Variants in MAP2 observed in about 807,000 individuals in gnomAD.
MAP2 encodes microtubule-associated protein 2.
MAP2 carries 14 observed loss-of-function variants against 137.6 expected under a neutral mutation model. That is an observed-to-expected ratio of 0.10 (90% CI 0.07 to 0.16). The LOEUF is 0.16. Among genes scored for constraint, MAP2 ranks in the 10% least tolerant of loss-of-function variants. The pLI, the probability that MAP2 is intolerant of heterozygous loss-of-function variation, is 1.00. For missense variants in MAP2, 2,088 were observed against 2,191.5 expected (o/e 0.95, Z 0.94); for synonymous variants, 786 against 782.3 (o/e 1.00, Z -0.08).
intron 11 of MAP2, among the ~76,000 whole-genome samples, chr2:209,701,499 T>G (rs2061749778): frequency 6.6e-6 from 1 of 152,000 alleles, no homozygotes; most frequent in South Asian, 2.1e-4. Flanking sequence ...TTGAATGATA[T>G]TAATTAGTAG....
chr2:209,429,898 A>G (rs984637264), intron 1 of MAP2, among the ~76,000 whole-genome samples: 7 of 152,122 alleles, frequency 4.6e-5, no homozygotes, highest in African/African-American at 1.7e-4. Flanking sequence ...AAAATGAATA[A>G]TATGGTATCA....
chr2:209,614,491 G>A (rs1372359436), intron 3 of MAP2, among the ~76,000 whole-genome samples: 1 of 151,974 alleles, frequency 6.6e-6, no homozygotes. Flanking sequence ...ATTGATTTGA[G>A]AATTATCATA....
chr2:209,686,201 A>G (rs1403082801), intron 7 of MAP2, among the ~76,000 whole-genome samples: 1 of 152,190 alleles, frequency 6.6e-6, no homozygotes, highest in Non-Finnish European at 1.5e-5. Context: ...ATCAAACGTT[A>G]TTTTAGGCTT....
chr2:209,581,411 G>T (rs2076383234), intron 3 of MAP2, among the ~76,000 whole-genome samples: 1 of 152,106 alleles, frequency 6.6e-6, no homozygotes, highest in Non-Finnish European at 1.5e-5. Context: ...TTGAACAAAA[G>T]CTAATACTAG....
chr2:209,434,349 G>T (rs1442582148), intron 1 of MAP2, among the ~76,000 whole-genome samples: 1 of 151,652 alleles, frequency 6.6e-6, no homozygotes, highest in Non-Finnish European at 1.5e-5. Context: ...ATAGTTACTG[G>T]ACATTTCCAA....
At chr2:209,509,861 T>C (rs74361225) in intron 2 of MAP2, among the ~76,000 whole-genome samples, 3,456 of 152,002 alleles carry the variant, frequency 0.023, 124 homozygotes, top group African/African-American at 0.078. Flanking sequence ...ATGCATGTAA[T>C]TTTACATTAA....
Position 209,510,750 on chromosome 2 carries a change from T to A in MAP2, c.-172+3109T>A, listed in dbSNP as rs190701172. Reference sequence around the variant, plus strand: ...CAATCTAAACAGCATAACTTGTTTTTAGATAGAATGACGAGGTAATGTTAA... The same window carrying A: ...CAATCTAAACAGCATAACTTGTTTTAAGATAGAATGACGAGGTAATGTTAA... On this transcript the variant is annotated intron_variant, in intron 2 of 15. Coordinates refer to ENST00000682079, the MANE Select transcript of MAP2 (RefSeq NM_001375505.1). Among the ~76,000 whole-genome samples, 931 of 152,230 alleles carry A rather than the reference T, an allele frequency of 6.1e-3. 4 individuals are homozygous for A. Among genetic ancestry groups the A allele is most frequent in the Non-Finnish European group, 8.4e-3 (571 of 67,994 alleles).
At position 209,733,570 on chromosome 2, in the gene MAP2, G is replaced by A. The variant is rs1209716226; in HGVS notation, c.*3173G>A. The A allele has an allele frequency of 6.6e-6, 1 of 151,946 alleles. No homozygotes were observed. The highest frequency in any genetic ancestry group is 2.4e-5 in the African/African-American group (1 of 41,350). 9.4% of individuals were successfully genotyped at this position (151,946 alleles called of 1,614,324 possible). On this transcript the variant is annotated 3_prime_UTR_variant, in exon 16 of 16. Transcript: ENST00000682079. ...CAGTATTTTATTAAGGAAATAACCT[G>A]AATGTGGTTGATTTTGACATAGCTG...
intron 11 of MAP2, among the ~76,000 whole-genome samples, chr2:209,703,783 C>T (rs1344640044): frequency 6.6e-6 from 1 of 152,030 alleles, no homozygotes; most frequent in Non-Finnish European, 1.5e-5. Flanking sequence ...ATCTATCCAC[C>T]CACTCATCAT....
At chr2:209,644,670 C>CAAAAAAAAAAAAA (rs68166330) in intron 4 of MAP2, among the ~76,000 whole-genome samples, 2 of 68,582 alleles carry the variant, frequency 2.9e-5, no homozygotes, top group African/African-American at 4.1e-5. Flanking sequence ...GACCCTGTCT[C>CAAAAAAAAAAAAA]AAAAAAAAAA....
intron 4 of MAP2, among the ~76,000 whole-genome samples, chr2:209,644,895 C>G (rs1447763165): frequency 6.8e-6 from 1 of 147,996 alleles, no homozygotes; most frequent in Non-Finnish European, 1.5e-5. Context: ...TGATTTGCAT[C>G]CTTAGTCCTG....
rs377185286 is a variant in MAP2, at chr2:209,510,836, G to A, written c.-172+3195G>A. Among the ~76,000 whole-genome samples, 24 of 152,016 alleles carry A rather than the reference G, an allele frequency of 1.6e-4. 1 individual carries two copies. In the South Asian group the frequency reaches 4.4e-3, roughly 28 times the overall value. Reference sequence around the variant, plus strand: ...TATTTGATCTTATGCTGTTGAAGACGGAATCAAAAGCTAAATGATTTTCAT... The same window carrying A: ...TATTTGATCTTATGCTGTTGAAGACAGAATCAAAAGCTAAATGATTTTCAT... On this transcript the variant is annotated intron_variant, in intron 2 of 15. Coordinates refer to ENST00000682079, the MANE Select transcript of MAP2 (RefSeq NM_001375505.1).
chr2:209,472,687 A>G (rs1706082246), intron 1 of MAP2, among the ~76,000 whole-genome samples: 1 of 151,652 alleles, frequency 6.6e-6, no homozygotes, highest in South Asian at 2.1e-4. Context: ...AGGGAGGAGG[A>G]AAAAAAACAG....
chr2:209,684,690 A>C (rs1459183239), intron 7 of MAP2: 80 of 152,192 alleles, frequency 5.3e-4, no homozygotes, highest in Admixed American at 5.2e-3. Context: ...GATTATAATT[A>C]TGCAGAAAAC....
intron 1 of MAP2, among the ~76,000 whole-genome samples, chr2:209,465,587 T>A (rs143501510): frequency 1.3e-5 from 2 of 152,248 alleles, no homozygotes; most frequent in East Asian, 3.9e-4. Context: ...GTTTTAAAAT[T>A]CTTTCCATTC....
chr2:209,503,063 A>C (rs1456466910), intron 1 of MAP2, among the ~76,000 whole-genome samples: 1 of 146,926 alleles, frequency 6.8e-6, no homozygotes, highest in Non-Finnish European at 1.5e-5. Context: ...TTCAGTGCAC[A>C]GTCACAGCTC....
Position 209,731,892 on chromosome 2 carries a change from G to A in MAP2, c.*1495G>A, listed in dbSNP as rs1248883652. On this transcript the variant is annotated 3_prime_UTR_variant, in exon 16 of 16. Coordinates refer to ENST00000682079, the MANE Select transcript of MAP2 (RefSeq NM_001375505.1). ...ATTGCACTCTGTAAAGTAACACACTGTGATCTAGTATTATTTATCAGTAGA... is the reference window on the plus strand; with the variant it reads ...ATTGCACTCTGTAAAGTAACACACTATGATCTAGTATTATTTATCAGTAGA... 1.3e-5 allele frequency: 2 copies of A among 152,060 alleles called. No homozygotes were observed. The highest frequency in any genetic ancestry group is 2.4e-5 in the African/African-American group (1 of 41,412). 9.4% of individuals were successfully genotyped at this position (152,060 alleles called of 1,614,324 possible). A position where few individuals can be genotyped will look rare whatever the true frequency, so the allele number is the denominator to read the frequency against.
At chr2:209,639,760 GT>G (rs111486094) in intron 4 of MAP2, among the ~76,000 whole-genome samples, 16 of 146,064 alleles carry the variant, frequency 1.1e-4, no homozygotes, top group East Asian at 2.0e-4. Context: ...CTTACATGAG[GT>G]TTTTTTTTTT....
At chr2:209,605,562 A>G (rs1172411557) in intron 3 of MAP2, among the ~76,000 whole-genome samples, 1 of 152,160 alleles carries the variant, frequency 6.6e-6, no homozygotes. Context: ...ATTGAGAGTA[A>G]CTTCCCCACA....
Sources: allele counts gnomAD v4.1 joint callset (sites outside exome capture counted in the v4.1 genomes callset), GRCh38; gene constraint gnomAD v4.1.1; transcripts MANE v1.5; gene names NCBI Gene and HGNC (gene_info 2026-07-23, HGNC 2026-07-21).